The following TENM1 variants were observed in gnomAD, a reference collection of about 807,000 sequenced individuals.
TENM1 encodes teneurin transmembrane protein 1.
TENM1 carries 35 observed loss-of-function variants against 174.8 expected under a neutral mutation model. That is an observed-to-expected ratio of 0.20 (90% CI 0.15 to 0.27). TENM1 has a LOEUF of 0.27. Among genes scored for constraint, TENM1 ranks in the 10% least tolerant of loss-of-function variants. The pLI is 1.00. For missense variants in TENM1, 1,633 were observed against 2,130.1 expected, an observed-to-expected ratio of 0.77 and a Z score of 4.59; for synonymous variants, 781 against 798.7, an observed-to-expected ratio of 0.98 and a Z score of 0.37.
the TENM1 span, among the ~76,000 whole-genome samples, chrX:125,083,833 C>T: frequency 4.5e-5 from 5 of 110,411 alleles, no homozygotes; most frequent in East Asian, 1.4e-3. Flanking sequence ...GTCTTATTGC[C>T]CTGTTAGCCT....
At chrX:125,028,226 T>G in the TENM1 span, among the ~76,000 whole-genome samples, 2 of 112,231 alleles carry the variant, frequency 1.8e-5, no homozygotes, top group African/African-American at 6.5e-5. Flanking sequence ...ATGGAAGATT[T>G]GTATTTTCAT....
At chrX:124,434,421 C>G (rs2060812572) in intron 23 of TENM1, among the ~76,000 whole-genome samples, 1 of 111,913 alleles carries the variant, frequency 8.9e-6, no homozygotes, top group Non-Finnish European at 1.9e-5. Flanking sequence ...GGCTGAAAAT[C>G]TTCACTTCCT....
chrX:125,025,469 C>A, the TENM1 span, among the ~76,000 whole-genome samples: 1 of 111,781 alleles, frequency 8.9e-6, no homozygotes, highest in Non-Finnish European at 1.9e-5. Flanking sequence ...GATTTAACAT[C>A]TTTTTAGAAT....
chrX:124,424,556 G>A (rs1401102963), intron 23 of TENM1, among the ~76,000 whole-genome samples: 1 of 111,143 alleles, frequency 9.0e-6, no homozygotes, highest in Non-Finnish European at 1.9e-5. Flanking sequence ...TTCCATATAT[G>A]AGTGAGAACA....
chrX:124,808,563 G>A (rs1319042502), intron 3 of TENM1, among the ~76,000 whole-genome samples: 1 of 112,045 alleles, frequency 8.9e-6, no homozygotes, highest in Non-Finnish European at 1.9e-5. Context: ...CATTCTCCTG[G>A]ATAGATATGT....
At chrX:124,405,127 G>A in exon 27 of TENM1, 1 of 1,211,672 alleles carries the variant, frequency 8.3e-7, no homozygotes, top group East Asian at 3.0e-5. Context: ...CGGGCAATGA[G>A]ATGTTGCATT....
intron 3 of TENM1, among the ~76,000 whole-genome samples, chrX:124,754,685 G>T (rs1400751945): frequency 2.8e-5 from 3 of 108,921 alleles, no homozygotes; most frequent in South Asian, 8.3e-4. Context: ...CTGGTATGTT[G>T]TGTCTTTGTT....
rs145981820 is a variant in TENM1 at position 124,790,342 on chromosome X, T to C, written c.536-53145A>G. 5.9e-4 allele frequency among the ~76,000 whole-genome samples: 66 copies of C among 112,567 alleles called. No individual in the cohort carries two copies. In the East Asian group the frequency reaches 0.017, roughly 28 times the overall value. ...AGCTCAAATTAGGCTAAGGCTTTCA[T>C]TTGGAATGTATGTGGTTGTACTTTG... On this transcript the variant is annotated intron_variant, in intron 3 of 31. Coordinates refer to ENST00000422452, the Ensembl canonical transcript of TENM1.
intron 27 of TENM1, among the ~76,000 whole-genome samples, chrX:124,403,093 G>A (rs745537486): frequency 3.6e-5 from 4 of 110,407 alleles, no homozygotes; most frequent in East Asian, 2.8e-4. Flanking sequence ...CAATAGAATC[G>A]AAACATAAAA....
chrX:124,393,451 T>C (rs1333899163), intron 27 of TENM1, among the ~76,000 whole-genome samples: 2 of 110,509 alleles, frequency 1.8e-5, no homozygotes, highest in African/African-American at 3.3e-5. Flanking sequence ...GTGTTCTTGA[T>C]TTTAGTCATT....
chrX:125,172,679 A>G, the TENM1 span, among the ~76,000 whole-genome samples: 5 of 59,502 alleles, frequency 8.4e-5, no homozygotes, highest in Non-Finnish European at 1.2e-4. Flanking sequence ...AACTAGAATA[A>G]CATATCTATT....
chrX:124,923,330 C>T (rs1180560398), intron 1 of TENM1, among the ~76,000 whole-genome samples: 1 of 111,597 alleles, frequency 9.0e-6, no homozygotes, highest in African/African-American at 3.3e-5. Flanking sequence ...TTCATCTGTT[C>T]CTTTATTTTG....
At chrX:125,185,704 T>C in the TENM1 span, among the ~76,000 whole-genome samples, 1 of 112,264 alleles carries the variant, frequency 8.9e-6, no homozygotes, top group East Asian at 2.8e-4. Context: ...GTCACCCTTG[T>C]AATTCCTGTA....
intron 3 of TENM1, among the ~76,000 whole-genome samples, chrX:124,748,568 G>A: frequency 9.0e-6 from 1 of 111,354 alleles, no homozygotes; most frequent in Non-Finnish European, 1.9e-5. Context: ...AGAAGACAAA[G>A]AGGAGAGTGT....
At chrX:124,608,442 G>A (rs1383057238) in intron 11 of TENM1, among the ~76,000 whole-genome samples, 1 of 111,120 alleles carries the variant, frequency 9.0e-6, no homozygotes, top group Non-Finnish European at 1.9e-5. Context: ...TGCCTTAATT[G>A]TTTTCTGGAA....
chrX:124,476,210 C>T (rs2046720661), intron 22 of TENM1, among the ~76,000 whole-genome samples: 1 of 111,810 alleles, frequency 8.9e-6, no homozygotes, highest in Admixed American at 9.5e-5. Context: ...CTGATTATAG[C>T]CTTAGCATCT....
the TENM1 span, among the ~76,000 whole-genome samples, chrX:125,180,536 T>C: frequency 9.5e-6 from 1 of 104,857 alleles, no homozygotes; most frequent in African/African-American, 3.4e-5. Flanking sequence ...AAATAAAAAA[T>C]ATATATTTAT....
At chrX:124,478,539 A>ACAT (rs2046781738) in intron 22 of TENM1, among the ~76,000 whole-genome samples, 1 of 112,457 alleles carries the variant, frequency 8.9e-6, no homozygotes, top group African/African-American at 3.2e-5. Context: ...GTACAGATTA[A>ACAT]CATTTATTTG....
chrX:125,144,899 C>T, the TENM1 span, among the ~76,000 whole-genome samples: 1 of 110,189 alleles, frequency 9.1e-6, no homozygotes, highest in Non-Finnish European at 1.9e-5. Flanking sequence ...TCCCCCACCA[C>T]GCCCAGTTAA....
Sources: allele counts gnomAD v4.1 joint callset (sites outside exome capture counted in the v4.1 genomes callset), GRCh38; gene constraint gnomAD v4.1.1; transcripts MANE v1.5; gene names NCBI Gene and HGNC (gene_info 2026-07-23, HGNC 2026-07-21).